ZNG1F: variants seen among roughly 807,000 people sequenced by gnomAD.
The protein encoded by ZNG1F is zinc-regulated GTPase metalloprotein activator 1F.
chr9:41,201,171 GTAGTATGAT>G, the ZNG1F span, among the ~76,000 whole-genome samples: 1 of 144,786 alleles, frequency 6.9e-6, no homozygotes, highest in Non-Finnish European at 1.5e-5. Flanking sequence ...TCATAAGTAT[GTAGTATGAT>G]TCCATTTCAG....
the ZNG1F span, among the ~76,000 whole-genome samples, chr9:41,202,768 A>G: frequency 1.4e-5 from 2 of 143,958 alleles, no homozygotes; most frequent in East Asian, 2.0e-4. Context: ...GAATGTTGAT[A>G]TCTTACTATC....
At chr9:41,146,072 A>G in the ZNG1F span, 1 of 143,882 alleles carries the variant, frequency 7.0e-6, no homozygotes, top group Non-Finnish European at 1.5e-5. Context: ...AGGAAAGAGA[A>G]AGAACTTGTA....
At chr9:41,132,078 A>T in the ZNG1F span, 21 of 1,545,620 alleles carry the variant, frequency 1.4e-5, no homozygotes, top group African/African-American at 2.8e-5. Context: ...TTTTACGAAC[A>T]TTGTAACGTG....
At chr9:41,202,621 CT>C in the ZNG1F span, among the ~76,000 whole-genome samples, 4 of 31,652 alleles carry the variant, frequency 1.3e-4, 2 homozygotes, top group African/African-American at 2.4e-4. Context: ...TTAATTTCTT[CT>C]TATTAATCCA....
the ZNG1F span, chr9:41,199,200 G>A: frequency 1.8e-5 from 1 of 55,022 alleles, no homozygotes; most frequent in African/African-American, 3.9e-5. Flanking sequence ...TCCACAGTCC[G>A]AAGTCCAAAG....
chr9:41,169,787 T>C, the ZNG1F span, among the ~76,000 whole-genome samples: 1 of 148,564 alleles, frequency 6.7e-6, no homozygotes, highest in South Asian at 2.1e-4. Context: ...TGTTTGATAA[T>C]GTAATTCACA....
At chr9:41,183,674 C>A in the ZNG1F span, 3 of 1,606,320 alleles carry the variant, frequency 1.9e-6, 1 homozygote, top group Non-Finnish European at 2.6e-6. Context: ...GAATAAATAA[C>A]AAACAATAAA....
At chr9:41,174,695 CAG>C in the ZNG1F span, among the ~76,000 whole-genome samples, 1 of 110,716 alleles carries the variant, frequency 9.0e-6, no homozygotes, top group South Asian at 3.4e-4. Context: ...TTGTGCACAT[CAG>C]ACTTATTTTT....
the ZNG1F span, among the ~76,000 whole-genome samples, chr9:41,195,494 C>T: frequency 8.4e-6 from 1 of 119,702 alleles, no homozygotes; most frequent in Non-Finnish European, 1.8e-5. Flanking sequence ...ACATTAAAGG[C>T]TGTAAGTAAC....
At chr9:41,180,660 A>ATGTGTGTG in the ZNG1F span, among the ~76,000 whole-genome samples, 53 of 90,496 alleles carry the variant, frequency 5.9e-4, no homozygotes, top group Non-Finnish European at 8.8e-4. Flanking sequence ...GTGTGTATGA[A>ATGTGTGTG]TGTGTGTGTG....
the ZNG1F span, among the ~76,000 whole-genome samples, chr9:41,193,680 A>C: frequency 1.3e-5 from 2 of 151,650 alleles, no homozygotes. Context: ...CGGGTGGATC[A>C]CCTGAGGTCA....
chr9:41,192,517 G>A, the ZNG1F span, among the ~76,000 whole-genome samples: 3 of 38,262 alleles, frequency 7.8e-5, 1 homozygote, highest in South Asian at 1.2e-3. Context: ...CTCTGTTGCC[G>A]AGGCTGGAGT....
the ZNG1F span, chr9:41,196,219 G>A: frequency 2.4e-5 from 1 of 41,852 alleles, no homozygotes; most frequent in Admixed American, 3.5e-4. Context: ...TTTGTGTCTA[G>A]TGAGGGCTGG....
At chr9:41,159,310 G>C in the ZNG1F span, among the ~76,000 whole-genome samples, 615 of 134,702 alleles carry the variant, frequency 4.6e-3, no homozygotes, top group Middle Eastern at 0.011. Flanking sequence ...AAACTGCAAT[G>C]ATAGCTCAGT....
the ZNG1F span, among the ~76,000 whole-genome samples, chr9:41,193,450 C>A: frequency 8.0e-6 from 1 of 125,268 alleles, no homozygotes; most frequent in Non-Finnish European, 1.8e-5. Flanking sequence ...TGCTAAGCAC[C>A]ACAAAATCAA....
At chr9:41,166,232 T>A in the ZNG1F span, among the ~76,000 whole-genome samples, 1 of 127,430 alleles carries the variant, frequency 7.8e-6, no homozygotes, top group Non-Finnish European at 1.6e-5. Flanking sequence ...ACCCCATCTC[T>A]ACTAAAATAA....
At chr9:41,156,025 T>TA in the ZNG1F span, among the ~76,000 whole-genome samples, 1 of 107,410 alleles carries the variant, frequency 9.3e-6, no homozygotes, top group African/African-American at 3.6e-5. Flanking sequence ...AAATAAAAAA[T>TA]AAAAAAATAA....
the ZNG1F span, among the ~76,000 whole-genome samples, chr9:41,184,391 CTG>C: frequency 3.2e-5 from 4 of 125,474 alleles, no homozygotes; most frequent in South Asian, 1.1e-3. Flanking sequence ...TGACCCGAGA[CTG>C]TGCCACTGCA....
chr9:41,173,985 G>A, the ZNG1F span, among the ~76,000 whole-genome samples: 7 of 149,152 alleles, frequency 4.7e-5, 1 homozygote, highest in East Asian at 1.4e-3. Flanking sequence ...ACTTTGGGAG[G>A]CCAAGGCTGG....
Sources: allele counts gnomAD v4.1 joint callset (sites outside exome capture counted in the v4.1 genomes callset), GRCh38; gene constraint gnomAD v4.1.1; transcripts MANE v1.5; gene names NCBI Gene and HGNC (gene_info 2026-07-23, HGNC 2026-07-21).